Variants in EDARADD observed in about 807,000 individuals in gnomAD.
EDARADD encodes ectodysplasin-A receptor-associated adapter protein.
EDARADD carries 20 observed loss-of-function variants against 25.6 expected under a neutral mutation model. The observed-to-expected ratio is 0.78, with a 90% CI of 0.55 to 1.14. EDARADD has a LOEUF of 1.14. EDARADD is among the 50% of genes most tolerant of loss of function. EDARADD has a pLI of 0.00. For synonymous variants in EDARADD, 86 were observed against 94.4 expected (o/e 0.91, Z 0.52); for missense variants, 225 against 270.1 (o/e 0.83, Z 1.17).
intron 3 of EDARADD, among the ~76,000 whole-genome samples, chr1:236,361,278 A>G (rs1167773340): frequency 6.6e-6 from 1 of 151,450 alleles, no homozygotes; most frequent in Non-Finnish European, 1.5e-5. Flanking sequence ...TACCACTGTC[A>G]ATTCCTTGGT....
chr1:236,368,675 G>A (rs1013079923), intron 3 of EDARADD, among the ~76,000 whole-genome samples: 1 of 152,018 alleles, frequency 6.6e-6, no homozygotes, highest in Admixed American at 6.6e-5. Flanking sequence ...CCTGACCTCA[G>A]GTGATCCATC....
rs1232763925 is a variant in EDARADD, at chr1:236,361,649, A to ATATATATATATATATG, written c.-6+10811_-6+10812insATATATATATATATGT. Among the ~76,000 whole-genome samples, 8 of 149,846 alleles carry ATATATATATATATATG rather than the reference A, an allele frequency of 5.3e-5. No individual in the cohort carries two copies. In the East Asian group the frequency reaches 1.6e-3, roughly 29 times the overall value. ...ACAGCCAAATTTTATATATATATAT[A>ATATATATATATATATG]TTCCTTCATACCATAGGTATTCTAC... On this transcript the variant is annotated intron_variant, in intron 3 of 7. Transcript: ENST00000439430.
chr1:236,398,875 G>A lies in EDARADD; in HGVS notation c.61+4370G>A, dbSNP rs1045641259. ...GCTATTTCCAGTAGGAAATAAACTC[G>A]TGGACAGAGGTCATGTCTGTGTGGT... On this transcript the variant is annotated intron_variant, in intron 1 of 5. Transcript: ENST00000334232. This position sits in a 1 kb window ranked among gnomAD's most constrained non-coding sequence, Gnocchi z 4.1. Among the ~76,000 whole-genome samples the A allele has an allele frequency of 1.3e-5, 2 of 152,160 alleles. No homozygotes were observed. Among genetic ancestry groups the A allele is most frequent in the African/African-American group, 2.4e-5 (1 of 41,438 alleles).
intron 4 of EDARADD, among the ~76,000 whole-genome samples, chr1:236,442,372 C>T (rs968655923): frequency 3.3e-5 from 5 of 152,146 alleles, no homozygotes; most frequent in South Asian, 2.1e-4. Flanking sequence ...GTGATCCTCC[C>T]GCCTTGGCCT....
chr1:236,455,293 A>G (rs1367421411), intron 4 of EDARADD, among the ~76,000 whole-genome samples: 1 of 152,102 alleles, frequency 6.6e-6, no homozygotes, highest in East Asian at 1.9e-4. Context: ...CAACCAGCTC[A>G]CCAGACTCTC....
At chr1:236,464,097 C>T (rs758985306) in intron 4 of EDARADD, among the ~76,000 whole-genome samples, 4 of 152,182 alleles carry the variant, frequency 2.6e-5, no homozygotes, top group Admixed American at 1.3e-4. Context: ...CACAACCACA[C>T]GCGTGTTCTT....
intron 3 of EDARADD, among the ~76,000 whole-genome samples, chr1:236,354,736 A>G (rs1483838773): frequency 6.6e-6 from 1 of 152,198 alleles, no homozygotes; most frequent in East Asian, 1.9e-4. Context: ...GCCAACCTCA[A>G]GCCAGTTTCA....
intron 3 of EDARADD, among the ~76,000 whole-genome samples, chr1:236,421,870 A>G (rs1055441502): frequency 1.3e-5 from 2 of 152,098 alleles, no homozygotes; most frequent in African/African-American, 4.8e-5. Context: ...TCACCCCTAG[A>G]TGCCATGGCA....
chr1:236,429,389 A>G (rs1485514867), intron 4 of EDARADD, among the ~76,000 whole-genome samples: 1 of 146,116 alleles, frequency 6.8e-6, no homozygotes, highest in African/African-American at 2.7e-5. Flanking sequence ...TTATTTATTT[A>G]TTTTTTTAGA....
intron 5 of EDARADD, among the ~76,000 whole-genome samples, chr1:236,472,114 G>A (rs900264568): frequency 2.0e-5 from 3 of 152,152 alleles, no homozygotes; most frequent in Admixed American, 2.0e-4. Flanking sequence ...AGTGGGATAC[G>A]ATGGAGAGGA....
rs1667476552 is a variant in EDARADD at position 236,394,448 on chromosome 1, G to A, written c.4G>A (p.Gly2Ser). M[G>S]LRTTKQMGRG... ...AGAAGCCAAACTCAACATCGCCATGGGCCTCAGGACGACTAAACAGATGGG... is the reference window on the plus strand; with the variant it reads ...AGAAGCCAAACTCAACATCGCCATGAGCCTCAGGACGACTAAACAGATGGG... Residue 2 changes from glycine to serine, a missense_variant, in exon 1 of 6, where the codon GGC becomes AGC. Physicochemically the swap from Gly to Ser is moderately conservative, Grantham distance 56. Coordinates refer to ENST00000334232, the MANE Select transcript of EDARADD (RefSeq NM_145861.4). 3 of 1,614,070 alleles carry A rather than the reference G, an allele frequency of 1.9e-6. No individual in the cohort carries two copies. The highest frequency in any genetic ancestry group is 1.7e-6 in the Non-Finnish European group (2 of 1,179,998).
At chr1:236,478,406 T>G (rs1233995174) in intron 5 of EDARADD, among the ~76,000 whole-genome samples, 1 of 147,176 alleles carries the variant, frequency 6.8e-6, no homozygotes, top group Non-Finnish European at 1.5e-5. Context: ...TATATATATA[T>G]AAATGGATAT....
intron 3 of EDARADD, among the ~76,000 whole-genome samples, chr1:236,361,560 C>T (rs1667049272): frequency 6.6e-6 from 1 of 150,608 alleles, no homozygotes; most frequent in African/African-American, 2.5e-5. Flanking sequence ...GAACTCCTGA[C>T]CTTCAGTGAT....
At position 236,432,271 on chromosome 1, in the gene EDARADD, C is replaced by T. The variant is rs146866880; in HGVS notation, c.219+4821C>T. Reference sequence around the variant, plus strand: ...TTAACCACACCTGTGGTCCCATGGTCCCAGCTGCTCAGGAGGCTGAGGTGA... The same window carrying T: ...TTAACCACACCTGTGGTCCCATGGTTCCAGCTGCTCAGGAGGCTGAGGTGA... On this transcript the variant is annotated intron_variant, in intron 4 of 5. Transcript: ENST00000334232. Among the ~76,000 whole-genome samples the T allele has an allele frequency of 2.4e-3, 362 of 151,852 alleles. 2 individuals carry two copies. Among genetic ancestry groups the T allele is most frequent in the African/African-American group, 8.0e-3 (330 of 41,416 alleles).
intron 3 of EDARADD, among the ~76,000 whole-genome samples, chr1:236,363,901 C>G (rs941434907): frequency 1.3e-5 from 2 of 151,952 alleles, no homozygotes; most frequent in Non-Finnish European, 2.9e-5. Flanking sequence ...CTTAGTGGCT[C>G]ACACCCGCAA....
chr1:236,356,201 G>A (rs1178430363), intron 3 of EDARADD, among the ~76,000 whole-genome samples: 1 of 152,072 alleles, frequency 6.6e-6, no homozygotes, highest in African/African-American at 2.4e-5. Context: ...ACCAGCAGTA[G>A]CCTCTCCCTA....
intron 4 of EDARADD, among the ~76,000 whole-genome samples, chr1:236,435,788 AGAGAGAAG>A (rs1658233614): frequency 6.6e-6 from 1 of 152,182 alleles, no homozygotes; most frequent in African/African-American, 2.4e-5. Flanking sequence ...TAAAAATAAT[AGAGAGAAG>A]GGGGATAATA....
intron 3 of EDARADD, among the ~76,000 whole-genome samples, chr1:236,372,641 T>A (rs1558103128): frequency 6.6e-6 from 1 of 152,214 alleles, no homozygotes; most frequent in African/African-American, 2.4e-5. Context: ...TATAATTTTC[T>A]TCATTAAATG....
chr1:236,462,357 TG>T (rs1659060246), intron 4 of EDARADD, among the ~76,000 whole-genome samples: 1 of 152,028 alleles, frequency 6.6e-6, no homozygotes, highest in East Asian at 1.9e-4. Flanking sequence ...GCTGAGGTTT[TG>T]GGTTGGTGAT....
Sources: allele counts gnomAD v4.1 joint callset (sites outside exome capture counted in the v4.1 genomes callset), GRCh38; gene constraint gnomAD v4.1.1; non-coding constraint Gnocchi (gnomAD v3.1); transcripts MANE v1.5; gene names NCBI Gene and HGNC (gene_info 2026-07-23, HGNC 2026-07-21).